Variants in NOTCH3 observed in about 807,000 individuals in gnomAD.
NOTCH3 encodes neurogenic locus notch homolog protein 3.
NOTCH3 carries 86 observed loss-of-function variants against 213.3 expected under a neutral mutation model. That is an observed-to-expected ratio of 0.40 (90% confidence interval 0.34 to 0.48). NOTCH3 has a LOEUF of 0.48. Ranked by LOEUF, NOTCH3 falls within the 20% of genes least tolerant of loss-of-function variation. The probability of loss-of-function intolerance (pLI) is 0.57; values close to 1 mark genes in which losing one functional copy is unlikely to be tolerated. For missense variants in NOTCH3, 2,783 were observed against 3,272.6 expected (o/e 0.85, Z 3.65); for synonymous variants, 1,354 against 1,355.9 (o/e 1.00, Z 0.03).
At chr19:15,176,871 G>A (rs1455413398) in intron 24 of NOTCH3, among the ~76,000 whole-genome samples, 1 of 150,932 alleles carries the variant, frequency 6.6e-6, no homozygotes. Context: ...AGGAGTTCGT[G>A]AGCAGCCTGG....
intron 1 of NOTCH3, among the ~76,000 whole-genome samples, chr19:15,198,178 A>C (rs1228416265): frequency 1.3e-5 from 2 of 152,196 alleles, no homozygotes; most frequent in Non-Finnish European, 2.9e-5. Flanking sequence ...GGCACAAGGC[A>C]TGTGCTGCCC....
At chr19:15,167,140 C>T in intron 29 of NOTCH3, 109 bp downstream of exon 29, 3 of 1,222,210 alleles carry the variant, frequency 2.5e-6, no homozygotes, top group South Asian at 2.7e-5. Flanking sequence ...ACACCCTTCA[C>T]AGAAGCTTAG....
intron 19 of NOTCH3, 135 bp from the exon 20 acceptor site, chr19:15,180,391 C>A: frequency 9.8e-7 from 1 of 1,025,624 alleles, no homozygotes; most frequent in Non-Finnish European, 1.5e-6. Context: ...GGTTGTCACA[C>A]ATCCCCCCAG....
At chr19:15,193,968 G>A (rs140590177) in intron 2 of NOTCH3, among the ~76,000 whole-genome samples, 322 of 151,788 alleles carry the variant, frequency 2.1e-3, no homozygotes, top group African/African-American at 7.3e-3. Context: ...TGTAGTCCCC[G>A]CTACTCAGGA....
chr19:15,187,400 T>A (rs1388579619), intron 10 of NOTCH3, 62 bp from the exon 11 acceptor site: 4 of 1,459,778 alleles, frequency 2.7e-6, no homozygotes, highest in Non-Finnish European at 2.8e-6. Flanking sequence ...AAGTGAGGCC[T>A]CGGACCAATC....
At chr19:15,171,889 A>G (rs989783949) in intron 25 of NOTCH3, among the ~76,000 whole-genome samples, 23 of 150,060 alleles carry the variant, frequency 1.5e-4, no homozygotes, top group African/African-American at 5.4e-4. Context: ...AGGACATTGT[A>G]TTTGTTTGTT....
At chr19:15,172,204 T>C (rs1157326299) in intron 25 of NOTCH3, among the ~76,000 whole-genome samples, 1 of 152,202 alleles carries the variant, frequency 6.6e-6, no homozygotes, top group African/African-American at 2.4e-5. Flanking sequence ...CCTCTTCCTC[T>C]TTTTTGAGCT....
In NOTCH3 at chr19:15,167,415, G is replaced by T. The variant is rs375036447; in HGVS notation, c.5200-4C>A. 99 of 1,603,300 alleles carry T rather than the reference G, an allele frequency of 6.2e-5. No homozygotes were observed. The African/African-American group carries it at 1.2e-3, about 20-fold the overall frequency. On this transcript the variant is annotated splice_polypyrimidine_tract_variant and splice_region_variant and intron_variant, in intron 28 of 32. Transcript: ENST00000263388. ...CCCCCATGCCTGGCTCCTCTACCTG[G>T]AGGGGCAGGCACCCTGGATCTCAGA...
At position 15,192,050 on chromosome 19, in the gene NOTCH3, G is replaced by A. The variant is rs746681101; in HGVS notation, c.589C>T (p.Pro197Ser). The A allele has an allele frequency of 1.2e-6, 2 of 1,612,982 alleles. No homozygotes were observed. The highest frequency in any genetic ancestry group is 1.7e-6 in the Non-Finnish European group (2 of 1,179,988). Residue 197 changes from proline to serine, a missense_variant, in exon 4 of 33, where the codon CCC becomes TCC. This residue lies in a region of NOTCH3 where 708 missense variants were observed against 906.6 expected (regional missense o/e 0.78). Transcript: ENST00000263388. ...AGYTGPLCEN[P>S]AVPCAPSPCR... ...GGTGAGGGTGCACAGGGCACCGCGG[G>A]GTTCTCACATAGTGGCCCTGTGTAG...
chr19:15,195,860 G>A (rs2145448844), intron 2 of NOTCH3, among the ~76,000 whole-genome samples: 1 of 151,840 alleles, frequency 6.6e-6, no homozygotes, highest in East Asian at 2.0e-4. Context: ...CGGTCGGGCC[G>A]GTTCCAGCCC....
chr19:15,181,234 C>A (rs1270611349), intron 17 of NOTCH3, 72 bp from the exon 18 acceptor site: 3 of 1,354,874 alleles, frequency 2.2e-6, no homozygotes, highest in Admixed American at 3.9e-5. Flanking sequence ...TCCTGAGTCC[C>A]GCTGTTAGCG....
At chr19:15,163,085 G>C (rs1245875543) in intron 31 of NOTCH3, among the ~76,000 whole-genome samples, 4 of 151,936 alleles carry the variant, frequency 2.6e-5, no homozygotes, top group Non-Finnish European at 5.9e-5. Context: ...TTGTATTTTT[G>C]ATAGAGATAG....
chr19:15,184,037 CAAAAAAAAAA>C (rs34518539), intron 16 of NOTCH3, among the ~76,000 whole-genome samples: 22 of 27,630 alleles, frequency 8.0e-4, no homozygotes, highest in East Asian at 5.3e-3. Context: ...GACTCTGTCT[CAAAAAAAAAA>C]AAAAAAAAAA....
At chr19:15,195,941 G>A (rs2046966867) in intron 2 of NOTCH3, among the ~76,000 whole-genome samples, 1 of 151,552 alleles carries the variant, frequency 6.6e-6, no homozygotes, top group South Asian at 2.1e-4. Flanking sequence ...TAGTTAGGGG[G>A]GGCACGGCGG....
chr19:15,195,205 A>C (rs146450476), intron 2 of NOTCH3, among the ~76,000 whole-genome samples: 8 of 152,206 alleles, frequency 5.3e-5, no homozygotes, highest in African/African-American at 1.9e-4. Context: ...TCTGGGACTT[A>C]TATAGCCTCT....
At chr19:15,173,517 T>C (rs956675496) in intron 25 of NOTCH3, among the ~76,000 whole-genome samples, 3 of 150,206 alleles carry the variant, frequency 2.0e-5, no homozygotes, top group Non-Finnish European at 3.0e-5. Context: ...ATCCTCCAAG[T>C]AGCTGGGACT....
chr19:15,193,653 C>T (rs2145445615), intron 2 of NOTCH3, among the ~76,000 whole-genome samples: 1 of 151,540 alleles, frequency 6.6e-6, no homozygotes, highest in East Asian at 2.0e-4. Flanking sequence ...AGCCTGTAAT[C>T]CCAGCTACTC....
At chr19:15,186,829 A>ACTTCACC in intron 12 of NOTCH3, 49 bp downstream of exon 12, 1 of 1,451,818 alleles carries the variant, frequency 6.9e-7, no homozygotes, top group South Asian at 1.1e-5. Context: ...GAGACGAGTG[A>ACTTCACC]CTTCACCCTC....
rs2145432669 is a variant in NOTCH3 at position 15,187,085 on chromosome 19, G to A, written c.1840+20C>T. 1 of 1,610,190 alleles carries A rather than the reference G, an allele frequency of 6.2e-7. No homozygotes were observed. Among genetic ancestry groups the A allele is most frequent in the South Asian group, 1.1e-5 (1 of 90,586 alleles). ...GTGCCCCTCCAGGTGTGCTGTTTCTGCCCCAGCCCCCGGTCCCACCTGTGG... is the reference window on the plus strand; with the variant it reads ...GTGCCCCTCCAGGTGTGCTGTTTCTACCCCAGCCCCCGGTCCCACCTGTGG... On this transcript the variant is annotated intron_variant, in intron 11 of 32. Transcript: ENST00000263388.
Sources: gnomAD v4.1 joint callset for allele counts (sites outside exome capture counted in the v4.1 genomes callset) on GRCh38, gnomAD v4.1.1 for gene constraint, gnomAD v4.1.1 regional missense constraint, MANE v1.5 for transcripts, NCBI Gene and HGNC (gene_info 2026-07-23, HGNC 2026-07-21) for gene names.